PRKG1: variants seen among roughly 807,000 people sequenced by gnomAD.
The protein encoded by PRKG1 is cGMP-dependent protein kinase 1.
PRKG1 carries 35 observed loss-of-function variants against 88.1 expected under a neutral mutation model. The observed-to-expected ratio is 0.40, with a 90% CI of 0.30 to 0.53. The LOEUF (loss-of-function observed/expected upper bound fraction) is 0.53. Ranked by LOEUF, PRKG1 falls within the 20% of genes least tolerant of loss-of-function variation. PRKG1 has a pLI of 0.59. For missense variants in PRKG1, 540 were observed against 839.8 expected (o/e 0.64, Z 4.41); for synonymous variants, 303 against 292.5 (o/e 1.04, Z -0.37).
intron 4 of PRKG1, among the ~76,000 whole-genome samples, chr10:51,851,865 C>A (rs2132808416): frequency 6.6e-6 from 1 of 152,166 alleles, no homozygotes; most frequent in South Asian, 2.1e-4. Flanking sequence ...ATTAGTAGGA[C>A]CTGCCATGAG....
chr10:51,348,034 G>A (rs1432737724), intron 2 of PRKG1, among the ~76,000 whole-genome samples: 2 of 152,104 alleles, frequency 1.3e-5, no homozygotes, highest in Non-Finnish European at 2.9e-5. Flanking sequence ...CTGCACTCCA[G>A]CCTGGGTGAC....
In PRKG1 at chr10:51,585,754, G is replaced by A. The variant is rs372581347; in HGVS notation, c.592+117918G>A. Among the ~76,000 whole-genome samples, 44 of 152,278 alleles carry A rather than the reference G, an allele frequency of 2.9e-4. No homozygotes were observed. In the South Asian group the frequency reaches 8.5e-3, roughly 29 times the overall value. ...TAGTGGTGGATTGGATAAAGAAAAT[G>A]TGGTGCATATACACCATGGAATACT... is the stretch of plus-strand genomic sequence containing the variant. On this transcript the variant is annotated intron_variant, in intron 3 of 17. Transcript: ENST00000373980.
chr10:51,597,212 C>G (rs1424549037), intron 3 of PRKG1, among the ~76,000 whole-genome samples: 1 of 151,686 alleles, frequency 6.6e-6, no homozygotes, highest in Non-Finnish European at 1.5e-5. Context: ...GTAATAAAAT[C>G]AAAAGTATTT....
intron 4 of PRKG1, among the ~76,000 whole-genome samples, chr10:51,818,066 G>A (rs1839638949): frequency 6.6e-6 from 1 of 152,160 alleles, no homozygotes; most frequent in Non-Finnish European, 1.5e-5. Context: ...GTGCCAGAAT[G>A]TAGTAGCAAG....
chr10:51,501,821 C>G (rs1589022334), intron 3 of PRKG1, among the ~76,000 whole-genome samples: 1 of 106,810 alleles, frequency 9.4e-6, no homozygotes, highest in African/African-American at 3.8e-5. Context: ...TCAGTTTTGG[C>G]TCTTCTCAAG....
chr10:51,576,005 C>A (rs1321097868), intron 3 of PRKG1, among the ~76,000 whole-genome samples: 2 of 151,850 alleles, frequency 1.3e-5, no homozygotes, highest in Non-Finnish European at 2.9e-5. Context: ...CATATTATAA[C>A]AATTAATATT....
At chr10:51,884,444 CAAAAAAAAAAAAAA>C (rs57229967) in intron 4 of PRKG1, among the ~76,000 whole-genome samples, 1 of 70,028 alleles carries the variant, frequency 1.4e-5, no homozygotes, top group Non-Finnish European at 2.7e-5. Flanking sequence ...AACTCCGTCT[CAAAAAAAAAAAAAA>C]AAAAAAAAAA....
At chr10:51,588,806 T>G (rs951479182) in intron 3 of PRKG1, among the ~76,000 whole-genome samples, 2 of 152,172 alleles carry the variant, frequency 1.3e-5, no homozygotes, top group African/African-American at 4.8e-5. Flanking sequence ...AATAAACAAA[T>G]ATAGCTTGAG....
chr10:51,475,269 C>G (rs951698371), intron 3 of PRKG1, among the ~76,000 whole-genome samples: 7 of 151,958 alleles, frequency 4.6e-5, no homozygotes, highest in African/African-American at 1.7e-4. Flanking sequence ...TCTAATGTCT[C>G]TCAAAGTGTG....
intron 2 of PRKG1, among the ~76,000 whole-genome samples, chr10:51,192,883 T>C (rs916427252): frequency 6.6e-6 from 1 of 151,962 alleles, no homozygotes; most frequent in Non-Finnish European, 1.5e-5. Flanking sequence ...CACTCACCCA[T>C]TCAGTCTTGT....
At chr10:51,279,144 G>C (rs559332882) in intron 2 of PRKG1, among the ~76,000 whole-genome samples, 1 of 152,092 alleles carries the variant, frequency 6.6e-6, no homozygotes, top group South Asian at 2.1e-4. Context: ...CAGAGATTCT[G>C]GTATGTTGTG....
chr10:51,271,128 G>A (rs1203457403), intron 2 of PRKG1, among the ~76,000 whole-genome samples: 2 of 152,190 alleles, frequency 1.3e-5, no homozygotes, highest in Non-Finnish European at 2.9e-5. Context: ...CCATACAGCT[G>A]TGAAGAAAGG....
At chr10:51,402,868 G>T (rs933547604) in intron 2 of PRKG1, among the ~76,000 whole-genome samples, 5 of 152,192 alleles carry the variant, frequency 3.3e-5, no homozygotes, top group African/African-American at 1.2e-4. Context: ...TTACACCCAA[G>T]AAGAGGATTG....
intron 3 of PRKG1, among the ~76,000 whole-genome samples, chr10:51,633,112 C>T (rs953608538): frequency 1.1e-4 from 16 of 152,202 alleles, no homozygotes; most frequent in African/African-American, 2.6e-4. Context: ...TTTGAGCAAA[C>T]GTACTGTGGT....
rs200121024 is a variant in PRKG1, at chr10:52,111,827, GCT to G, written c.936-22010_936-22009del. Among the ~76,000 whole-genome samples the G allele has an allele frequency of 2.6e-4, 40 of 152,202 alleles. No homozygotes were observed. The East Asian group carries it at 6.6e-3, about 25-fold the overall frequency. ...GAATCTTGAGGAGTTACTTCTTTGG[GCT>G]CTGTTTATCATCTCATTGAATTCCT... On this transcript the variant is annotated intron_variant, in intron 7 of 17. Coordinates refer to ENST00000373980, the MANE Select transcript of PRKG1 (RefSeq NM_006258.4).
At chr10:51,077,211 T>C (rs1215585431) in intron 1 of PRKG1, among the ~76,000 whole-genome samples, 1 of 152,252 alleles carries the variant, frequency 6.6e-6, no homozygotes, top group Admixed American at 6.5e-5. Flanking sequence ...TGCCTTTCAA[T>C]GTATTTCACT....
intron 3 of PRKG1, among the ~76,000 whole-genome samples, chr10:51,638,240 A>C (rs1046597867): frequency 6.6e-6 from 1 of 152,158 alleles, no homozygotes; most frequent in East Asian, 1.9e-4. Flanking sequence ...TTATTATTTT[A>C]GATAAGTATA....
At chr10:51,569,425 A>ACAGGTTAGGTGATCTGCTTCTGTGC (rs1837690539) in intron 3 of PRKG1, among the ~76,000 whole-genome samples, 2 of 152,088 alleles carry the variant, frequency 1.3e-5, no homozygotes, top group Non-Finnish European at 2.9e-5. Context: ...TACATGAGTG[A>ACAGGTTAGGTGATCTGCTTCTGTGC]CAGGTTAGGT....
chr10:51,473,329 C>A (rs1053327899), intron 3 of PRKG1, among the ~76,000 whole-genome samples: 1 of 151,502 alleles, frequency 6.6e-6, no homozygotes, highest in South Asian at 2.1e-4. Flanking sequence ...TTTAAGTAGA[C>A]GAAAAATGAA....
Sources: allele counts gnomAD v4.1 joint callset (sites outside exome capture counted in the v4.1 genomes callset), GRCh38; gene constraint gnomAD v4.1.1; transcripts MANE v1.5; gene names NCBI Gene and HGNC (gene_info 2026-07-23, HGNC 2026-07-21).